Variants in TAFA1 observed in about 807,000 individuals in gnomAD.
The protein encoded by TAFA1 is chemokine-like protein TAFA-1.
A neutral mutation model predicts 18.5 loss-of-function variants in TAFA1; 4 were observed. The observed-to-expected ratio is 0.22, with a 90% CI of 0.11 to 0.49. TAFA1 has a LOEUF of 0.49. TAFA1 is among the 20% of genes least tolerant of loss of function. The pLI is 0.98. For missense variants in TAFA1, 147 were observed against 169.0 expected (o/e 0.87, Z 0.72); for synonymous variants, 56 against 55.2 (o/e 1.01, Z -0.06).
chr3:68,240,952 C>A (rs1387001358), intron 2 of TAFA1, among the ~76,000 whole-genome samples: 4 of 152,124 alleles, frequency 2.6e-5, no homozygotes, highest in Admixed American at 2.6e-4. Context: ...ACACTTATTT[C>A]TGCCAAAGAA....
intron 3 of TAFA1, among the ~76,000 whole-genome samples, chr3:68,500,054 G>T (rs1263837451): frequency 6.6e-6 from 1 of 151,944 alleles, no homozygotes; most frequent in African/African-American, 2.4e-5. Flanking sequence ...TCTTTTGGTT[G>T]TGCCTTCTAC....
chr3:68,312,386 G>C (rs548367859), intron 2 of TAFA1, among the ~76,000 whole-genome samples: 11 of 152,168 alleles, frequency 7.2e-5, no homozygotes, highest in African/African-American at 1.9e-4. Context: ...TTTATGCTTT[G>C]CTTTCCTTAT....
At chr3:68,071,195 G>A (rs764219714) in intron 2 of TAFA1, among the ~76,000 whole-genome samples, 2 of 152,248 alleles carry the variant, frequency 1.3e-5, no homozygotes, top group Non-Finnish European at 2.9e-5. Context: ...CCATGTGGCT[G>A]AGGAGGCCTC....
intron 2 of TAFA1, among the ~76,000 whole-genome samples, chr3:68,260,464 G>A (rs1174060733): frequency 6.6e-6 from 1 of 152,098 alleles, no homozygotes; most frequent in African/African-American, 2.4e-5. Context: ...AAATGAGTTA[G>A]GGAGGATTCC....
intron 2 of TAFA1, among the ~76,000 whole-genome samples, chr3:68,200,627 A>G (rs2066459875): frequency 6.6e-6 from 1 of 151,616 alleles, no homozygotes; most frequent in Admixed American, 6.6e-5. Context: ...TGAGTTGTAC[A>G]CAATCTTCCT....
At chr3:68,376,775 A>T (rs913605068) in intron 2 of TAFA1, among the ~76,000 whole-genome samples, 2 of 152,116 alleles carry the variant, frequency 1.3e-5, no homozygotes, top group Non-Finnish European at 2.9e-5. Context: ...ATACCCAGTG[A>T]TATGGTTTGG....
At chr3:68,109,901 T>G (rs1219836831) in intron 2 of TAFA1, among the ~76,000 whole-genome samples, 4 of 152,200 alleles carry the variant, frequency 2.6e-5, no homozygotes, top group African/African-American at 9.7e-5. Flanking sequence ...TGTTAGAGAT[T>G]TTTAAACTGC....
intron 2 of TAFA1, among the ~76,000 whole-genome samples, chr3:68,141,818 G>A (rs748848213): frequency 2.0e-5 from 3 of 152,160 alleles, no homozygotes; most frequent in Non-Finnish European, 2.9e-5. Flanking sequence ...TTTCCACTGC[G>A]CTTCTCATCT....
chr3:68,474,053 C>A (rs540408425), intron 3 of TAFA1, among the ~76,000 whole-genome samples: 26 of 146,824 alleles, frequency 1.8e-4, no homozygotes, highest in South Asian at 9.0e-4. Context: ...TGTATCACCC[C>A]CCCCCCCAAG....
At chr3:68,395,502 C>T (rs1457100166) in intron 2 of TAFA1, among the ~76,000 whole-genome samples, 1 of 152,154 alleles carries the variant, frequency 6.6e-6, no homozygotes, top group South Asian at 2.1e-4. Context: ...ACTGCACATG[C>T]ACACATACGT....
At chr3:68,345,173 C>A (rs1482387378) in intron 2 of TAFA1, among the ~76,000 whole-genome samples, 1 of 152,184 alleles carries the variant, frequency 6.6e-6, no homozygotes, top group African/African-American at 2.4e-5. Context: ...ACCAGACCAA[C>A]TGTGAACCTC....
At chr3:68,135,008 A>G (rs938642076) in intron 2 of TAFA1, among the ~76,000 whole-genome samples, 5 of 152,168 alleles carry the variant, frequency 3.3e-5, no homozygotes, top group Non-Finnish European at 5.9e-5. Context: ...TGTGATTTCT[A>G]TCTTCTGGCT....
intron 3 of TAFA1, among the ~76,000 whole-genome samples, chr3:68,487,645 G>A (rs372958064): frequency 5.9e-5 from 9 of 151,758 alleles, no homozygotes; most frequent in Middle Eastern, 3.4e-3. Flanking sequence ...CTAGCTACTC[G>A]GGAGGGTGAG....
chr3:68,123,980 TA>T (rs1559529125), intron 2 of TAFA1, among the ~76,000 whole-genome samples: 1 of 148,498 alleles, frequency 6.7e-6, no homozygotes, highest in East Asian at 2.1e-4. Context: ...CTTGGGTTTT[TA>T]AAAAAGCTTC....
At chr3:68,444,386 C>A (rs1169284392) in intron 3 of TAFA1, among the ~76,000 whole-genome samples, 1 of 152,116 alleles carries the variant, frequency 6.6e-6, no homozygotes, top group South Asian at 2.1e-4. Flanking sequence ...TTCTCTGTCA[C>A]TCTCGTGTGA....
intron 3 of TAFA1, among the ~76,000 whole-genome samples, chr3:68,420,410 A>G (rs1381426916): frequency 6.6e-6 from 1 of 152,126 alleles, no homozygotes; most frequent in East Asian, 1.9e-4. Flanking sequence ...CGTAAAGATG[A>G]GGTCGTGCTA....
chr3:68,031,465 A>G (rs1164919515), intron 2 of TAFA1, among the ~76,000 whole-genome samples: 1 of 152,200 alleles, frequency 6.6e-6, no homozygotes, highest in Non-Finnish European at 1.5e-5. Flanking sequence ...TAAATGAAAA[A>G]TAATATAAGG....
chr3:68,056,181 C>T (rs1180036567), intron 2 of TAFA1, among the ~76,000 whole-genome samples: 3 of 152,290 alleles, frequency 2.0e-5, no homozygotes, highest in East Asian at 3.9e-4. Flanking sequence ...GATTTCATAG[C>T]ACACCATTCC....
At chr3:68,265,322 C>T (rs2067521766) in intron 2 of TAFA1, among the ~76,000 whole-genome samples, 1 of 152,280 alleles carries the variant, frequency 6.6e-6, no homozygotes, top group African/African-American at 2.4e-5. Context: ...CTCCAAAGGG[C>T]CCTGGCCTGG....
Sources: allele counts gnomAD v4.1 joint callset (sites outside exome capture counted in the v4.1 genomes callset), GRCh38; gene constraint gnomAD v4.1.1; transcripts MANE v1.5; gene names NCBI Gene and HGNC (gene_info 2026-07-23, HGNC 2026-07-21).